Variants in BEND3 observed in about 807,000 individuals in gnomAD.
The protein encoded by BEND3 is BEN domain-containing protein 3.
In BEND3, 13 loss-of-function variants were observed where a neutral mutation model predicts 60.1. That is an observed-to-expected ratio of 0.22 (90% CI 0.14 to 0.34). BEND3 has a LOEUF of 0.34. Ranked by LOEUF, BEND3 falls within the 10% of genes least tolerant of loss-of-function variation. The probability of loss-of-function intolerance (pLI) is 1.00; values close to 1 mark genes in which losing one functional copy is unlikely to be tolerated. For synonymous variants in BEND3, 497 were observed against 491.5 expected (o/e 1.01, Z -0.15); for missense variants, 896 against 1,138.1 (o/e 0.79, Z 3.06).
chr6:107,079,738 C>G (rs1198964478), intron 3 of BEND3, among the ~76,000 whole-genome samples: 5 of 152,164 alleles, frequency 3.3e-5, no homozygotes, highest in Non-Finnish European at 7.4e-5. Flanking sequence ...AAGGCTGCCC[C>G]ACTGGCACCC....
intron 3 of BEND3, among the ~76,000 whole-genome samples, chr6:107,074,144 G>A (rs1482413564): frequency 2.0e-5 from 3 of 152,252 alleles, no homozygotes; most frequent in East Asian, 1.9e-4. Context: ...GGCCGGGTGC[G>A]GTGGCTCATG....
At chr6:107,077,711 C>A (rs144316486) in intron 3 of BEND3, among the ~76,000 whole-genome samples, 1 of 152,082 alleles carries the variant, frequency 6.6e-6, no homozygotes, top group Non-Finnish European at 1.5e-5. Flanking sequence ...TGTTTGAGTG[C>A]CCAGTTCGGA....
At chr6:107,114,816 T>G (rs1289872206) in intron 1 of BEND3, among the ~76,000 whole-genome samples, 1 of 146,588 alleles carries the variant, frequency 6.8e-6, no homozygotes, top group Non-Finnish European at 1.5e-5. Flanking sequence ...CAGAACGCCA[T>G]GGAGCCGCCG....
intron 3 of BEND3, among the ~76,000 whole-genome samples, chr6:107,089,564 C>T (rs181646649): frequency 0.023 from 3,312 of 145,602 alleles, 51 homozygotes; most frequent in Non-Finnish European, 0.039. Context: ...CCAGCCTGGG[C>T]GACACAGCGA....
intron 3 of BEND3, among the ~76,000 whole-genome samples, chr6:107,095,143 C>A (rs1582662454): frequency 6.6e-6 from 1 of 152,102 alleles, no homozygotes; most frequent in East Asian, 1.9e-4. Context: ...CTTTTGCACT[C>A]CACCCTGGCA....
Position 107,068,859 on chromosome 6 carries a change from G to A in BEND3, c.2332C>T (p.Arg778Trp), listed in dbSNP as rs1282595861. 5 of 1,613,322 alleles carry A rather than the reference G, an allele frequency of 3.1e-6. No individual in the cohort carries two copies. The highest frequency in any genetic ancestry group is 4.2e-6 in the Non-Finnish European group (5 of 1,179,806). ...GCTTCCACGTAGTGGCGGATGAGCC[G>A]CAGCCGCGTGGGGTCCAGTTGCTTC... ...NKKQLDPTRL[R>W]LIRHYVEAVY... Residue 778 changes from arginine to tryptophan, a missense_variant, in exon 4 of 4, where the codon CGG becomes TGG. Physicochemically the swap from Arg to Trp is moderately radical, Grantham distance 101 (BLOSUM62 -3). Around this residue, in one of 4 missense-constraint regions of BEND3, gnomAD observed 29 missense variants for 51.9 expected, o/e 0.56. Coordinates refer to ENST00000369042, the MANE Select transcript of BEND3 (RefSeq NM_001367314.1). This position sits in a 1 kb window ranked among gnomAD's most constrained non-coding sequence, Gnocchi z 5.8.
intron 1 of BEND3, among the ~76,000 whole-genome samples, chr6:107,110,833 G>A (rs1554238297): frequency 6.6e-6 from 1 of 151,866 alleles, no homozygotes; most frequent in South Asian, 2.1e-4. Flanking sequence ...GGGACTACAG[G>A]TGTGAGCCAC....
intron 1 of BEND3, among the ~76,000 whole-genome samples, chr6:107,111,338 C>T (rs1435094775): frequency 6.6e-6 from 1 of 152,088 alleles, no homozygotes; most frequent in Admixed American, 6.6e-5. Flanking sequence ...TGGTGAAACC[C>T]CGTCTCTACT....
In BEND3 at chr6:107,069,448, C is replaced by A. The variant is rs782608932; in HGVS notation, c.1743G>T (p.Leu581=). The A allele has an allele frequency of 6.2e-7, 1 of 1,612,338 alleles. No homozygotes were observed. Among genetic ancestry groups the A allele is most frequent in the Non-Finnish European group, 8.5e-7 (1 of 1,179,946 alleles). ...TCTCGTGCGTGAAGAGCTCGGGGAA[C>A]AGGTGCACCAGCAGGCGCGAGGCGA... The part of the protein sequence containing the change: ...GNFASRLLVH[L]FPELFTHENL... Residue 581 remains leucine (L), a synonymous_variant, in exon 4 of 4, where the codon CTG becomes CTT. Coordinates refer to ENST00000369042, the MANE Select transcript of BEND3 (RefSeq NM_001367314.1).
intron 3 of BEND3, among the ~76,000 whole-genome samples, chr6:107,074,907 C>G (rs1281962436): frequency 6.6e-6 from 1 of 152,012 alleles, no homozygotes; most frequent in Non-Finnish European, 1.5e-5. Context: ...TGAGACCATC[C>G]TGGCTAACGC....
chr6:107,098,832 G>T (rs1278593587), intron 2 of BEND3, 79 bp from the exon 3 acceptor site: 5 of 1,262,296 alleles, frequency 4.0e-6, no homozygotes, highest in African/African-American at 3.0e-5. Flanking sequence ...GAGCAGCAGG[G>T]TGTCTGTGGG....
chr6:107,070,331 C>A lies in BEND3; in HGVS notation c.860G>T (p.Gly287Val). The A allele has an allele frequency of 1.2e-6, 2 of 1,612,808 alleles. No individual in the cohort carries two copies. The highest frequency in any genetic ancestry group is 1.7e-6 in the Non-Finnish European group (2 of 1,179,902). ...GGCCGCAAAGCCACAGGCACTGCAG[C>A]CCCGGGAGAAGTCCACGTCGCTGAA... Reference protein sequence around the residue: ...ELFSDVDFSRGCSACGFAAKR... With the variant: ...ELFSDVDFSRVCSACGFAAKR... The change falls in exon 4 of 4, where the codon GGC becomes GTC. Residue 287 changes from glycine (G) to valine (V), a missense_variant. By Grantham distance (109) the Gly-to-Val change is moderately radical. Coordinates refer to ENST00000369042, the MANE Select transcript of BEND3 (RefSeq NM_001367314.1). The surrounding 1 kb of genome is among the most constrained non-coding windows in gnomAD (Gnocchi z 6.9).
chr6:107,078,382 T>G (rs1316297770), intron 3 of BEND3, among the ~76,000 whole-genome samples: 1 of 151,658 alleles, frequency 6.6e-6, no homozygotes, highest in Non-Finnish European at 1.5e-5. Context: ...CTGATTTCAT[T>G]CTGATAAATG....
intron 3 of BEND3, among the ~76,000 whole-genome samples, chr6:107,073,679 C>G (rs1280974940): frequency 6.6e-6 from 1 of 151,808 alleles, no homozygotes; most frequent in Non-Finnish European, 1.5e-5. Context: ...CAGGGGATCT[C>G]AAGCCCAGGA....
intron 1 of BEND3, among the ~76,000 whole-genome samples, chr6:107,113,427 G>A (rs1770164035): frequency 8.1e-6 from 1 of 122,798 alleles, no homozygotes; most frequent in Admixed American, 1.0e-4. Context: ...GACAGAGCGA[G>A]ACTCCGTCTC....
Position 107,098,678 on chromosome 6 carries a change from G to C in BEND3, c.113C>G (p.Thr38Ser). The change falls in exon 3 of 4, where the codon ACT becomes AGT. Residue 38 changes from threonine to serine, a missense_variant. Thr to Ser is a moderately conservative substitution (Grantham distance 58). Coordinates refer to ENST00000369042, the MANE Select transcript of BEND3 (RefSeq NM_001367314.1). ...GCTGTCCACAGAGTGCTTCTCAGAA[G>C]TCCTGGAATTCACGGAGCAGTCCAG... ...AALDCSVNSR[T>S]SEKHSVDSVL... 6.2e-7 allele frequency: 1 copy of C among 1,614,112 alleles called. No individual in the cohort carries two copies. Among genetic ancestry groups the C allele is most frequent in the Non-Finnish European group, 8.5e-7 (1 of 1,180,030 alleles).
chr6:107,083,266 G>A (rs1314612044), intron 3 of BEND3, among the ~76,000 whole-genome samples: 1 of 152,094 alleles, frequency 6.6e-6, no homozygotes, highest in Admixed American at 6.6e-5. Context: ...CAAGGTATGC[G>A]GCAAGTGGCA....
intron 1 of BEND3, among the ~76,000 whole-genome samples, chr6:107,100,186 T>C (rs890205909): frequency 6.6e-6 from 1 of 151,832 alleles, no homozygotes. Flanking sequence ...TTGCTTTATA[T>C]TGATTACATG....
chr6:107,114,866 C>T (rs1770229539), intron 1 of BEND3, among the ~76,000 whole-genome samples: 1 of 149,048 alleles, frequency 6.7e-6, no homozygotes. Flanking sequence ...GCACAATGGG[C>T]GCGGCGAGCC....
Sources: allele counts gnomAD v4.1 joint callset (sites outside exome capture counted in the v4.1 genomes callset), GRCh38; gene constraint gnomAD v4.1.1; regional missense constraint gnomAD v4.1.1; non-coding constraint Gnocchi (gnomAD v3.1); transcripts MANE v1.5; gene names NCBI Gene and HGNC (gene_info 2026-07-23, HGNC 2026-07-21).